Variants in BRWD3 observed in about 807,000 individuals in gnomAD.
The protein encoded by BRWD3 is bromodomain and WD repeat domain containing 3.
BRWD3 carries 10 observed loss-of-function variants against 149.7 expected under a neutral mutation model. That is an observed-to-expected ratio of 0.07 (90% CI 0.04 to 0.11). The LOEUF is 0.11. BRWD3 is among the 10% of genes least tolerant of loss of function. The pLI is 1.00. For synonymous variants in BRWD3, 504 were observed against 456.7 expected (o/e 1.10, Z -1.32); for missense variants, 940 against 1,373.2 (o/e 0.68, Z 4.99).
intron 6 of BRWD3, among the ~76,000 whole-genome samples, chrX:80,746,421 T>C (rs914696017): frequency 9.0e-6 from 1 of 110,498 alleles, no homozygotes; most frequent in Non-Finnish European, 1.9e-5. Flanking sequence ...TGCCTTGTTC[T>C]GCATTTTCTT....
At position 80,703,463 on chromosome X, in the gene BRWD3, T is replaced by C; in HGVS notation, c.2835+17A>G. The C allele has an allele frequency of 8.1e-6, 9 of 1,107,866 alleles. No individual in the cohort carries two copies. Among genetic ancestry groups the C allele is most frequent in the Non-Finnish European group, 9.9e-6 (8 of 808,140 alleles). 91.3% of individuals were successfully genotyped at this position (1,107,866 alleles called of 1,213,427 possible). On this transcript the variant is annotated intron_variant, in intron 24 of 40. Coordinates refer to ENST00000373275, the MANE Select transcript of BRWD3 (RefSeq NM_153252.5). ...CTTGAGGCTCCACAGAAAAAGGTTATAACAGGTAATAATTACCTCATCTCC... is the reference window on the plus strand; with the variant it reads ...CTTGAGGCTCCACAGAAAAAGGTTACAACAGGTAATAATTACCTCATCTCC...
chrX:80,681,443 G>A lies in BRWD3; in HGVS notation c.4552C>T (p.Pro1518Ser). ...CCACCGAAGCTCGATGAAGAAAATG[G>A]CCCATCTGGCTCATCATCAAGTAGA... ...LYLLDDEPDGPFSSSSFGGYS... is the reference protein window; with the variant it reads ...LYLLDDEPDGSFSSSSFGGYS... Residue 1518 changes from proline (P) to serine (S), a missense_variant, in exon 40 of 41, where the codon CCA (proline) becomes TCA (serine). Coordinates refer to ENST00000373275, the MANE Select transcript of BRWD3 (RefSeq NM_153252.5). The A allele has an allele frequency of 8.3e-7, 1 of 1,208,643 alleles. No homozygotes were observed. Among genetic ancestry groups the A allele is most frequent in the Non-Finnish European group, 1.1e-6 (1 of 893,245 alleles).
At chrX:80,785,882 T>C (rs1395254885) in intron 6 of BRWD3, among the ~76,000 whole-genome samples, 2 of 111,460 alleles carry the variant, frequency 1.8e-5, no homozygotes. Context: ...ACAAAAAAGT[T>C]AGCCAGGCAT....
At chrX:80,716,329 T>A in intron 19 of BRWD3, 79 bp from the exon 20 acceptor site, 1 of 805,284 alleles carries the variant, frequency 1.2e-6, no homozygotes, top group Non-Finnish European at 1.9e-6. Flanking sequence ...ATAAAAATAC[T>A]TTTAAACATA....
intron 20 of BRWD3, among the ~76,000 whole-genome samples, chrX:80,713,519 C>T (rs902886318): frequency 3.7e-5 from 4 of 109,035 alleles, no homozygotes; most frequent in African/African-American, 1.3e-4. Flanking sequence ...CATCACCACT[C>T]CCTAATCTCA....
chrX:80,673,884 C>T lies in BRWD3; in HGVS notation c.*2725G>A, dbSNP rs1602291510. 2.7e-5 allele frequency: 3 copies of T among 110,510 alleles called. No homozygotes were observed. Among genetic ancestry groups the T allele is most frequent in the South Asian group, 3.8e-4 (1 of 2,598 alleles). 9.1% of individuals were successfully genotyped at this position (110,510 alleles called of 1,213,427 possible). On this transcript the variant is annotated 3_prime_UTR_variant, in exon 41 of 41. Transcript: ENST00000373275. ...TTGCTATGGCTGGACCCAGATTTTA[C>T]GTAGGTTTAAAGGGCCTCAAAGAAA...
rs971673525 is a variant in BRWD3, at chrX:80,734,833, T to C, written c.985+294A>G. Among the ~76,000 whole-genome samples the C allele has an allele frequency of 1.1e-4, 12 of 111,099 alleles. No homozygotes were observed. In the Admixed American group the frequency reaches 1.1e-3, roughly 11 times the overall value. On this transcript the variant is annotated intron_variant, in intron 10 of 40. Transcript: ENST00000373275. Reference sequence around the variant, plus strand: ...GTCAACTCTGGGCAGAATTTTTGTGTTGATTGCGGGGCAGTAAACTTTTTT... The same window carrying C: ...GTCAACTCTGGGCAGAATTTTTGTGCTGATTGCGGGGCAGTAAACTTTTTT...
intron 6 of BRWD3, among the ~76,000 whole-genome samples, chrX:80,745,955 C>T (rs2073587187): frequency 1.8e-5 from 2 of 110,667 alleles, no homozygotes; most frequent in South Asian, 7.7e-4. Context: ...TGATATTCTG[C>T]TTGGCTTACT....
rs747069127 is a variant in BRWD3 at position 80,722,793 on chromosome X, T to A, written c.1651-6A>T. 2 of 1,187,076 alleles carry A rather than the reference T, an allele frequency of 1.7e-6. No homozygotes were observed. The highest frequency in any genetic ancestry group is 1.1e-6 in the Non-Finnish European group (1 of 874,254). ...AAGAACATCTGATCTGGAATCTTTA[T>A]GACAGATTTTTAGTGGGTTAACATA... On this transcript the variant is annotated splice_region_variant and splice_polypyrimidine_tract_variant and intron_variant, in intron 16 of 40. Coordinates refer to ENST00000373275, the MANE Select transcript of BRWD3 (RefSeq NM_153252.5).
intron 6 of BRWD3, among the ~76,000 whole-genome samples, chrX:80,762,475 T>C (rs748751743): frequency 3.6e-5 from 4 of 110,766 alleles, no homozygotes; most frequent in African/African-American, 1.3e-4. Flanking sequence ...ATAAAAGATA[T>C]TAATGGATCT....
At chrX:80,687,772 T>TA (rs1183152042) in intron 34 of BRWD3, among the ~76,000 whole-genome samples, 7 of 110,058 alleles carry the variant, frequency 6.4e-5, no homozygotes. Flanking sequence ...ACTGAGTCTC[T>TA]AATCACACAC....
At chrX:80,733,220 A>G in intron 12 of BRWD3, 1 of 316,958 alleles carries the variant, frequency 3.2e-6, no homozygotes, top group Non-Finnish European at 5.5e-6. Flanking sequence ...TAACAGAAAT[A>G]GAGCAAAATA....
At position 80,744,313 on chromosome X, in the gene BRWD3, C is replaced by G. The variant is rs1396359491; in HGVS notation, c.592-60G>C. Reference sequence around the variant, plus strand: ...AGCAGAAATTCACAATACCCCCACCCAAAAAATAGCCAAAAAGAAGATTTT... The same window carrying G: ...AGCAGAAATTCACAATACCCCCACCGAAAAAATAGCCAAAAAGAAGATTTT... On this transcript the variant is annotated intron_variant, in intron 7 of 40. Coordinates refer to ENST00000373275, the MANE Select transcript of BRWD3 (RefSeq NM_153252.5). The G allele has an allele frequency of 1.3e-5, 11 of 851,069 alleles. No individual in the cohort carries two copies. In the East Asian group the frequency reaches 3.1e-4, roughly 24 times the overall value. The allele number at this position is 851,069 out of a possible 1,213,427, so 70.1% of individuals were successfully genotyped here.
chrX:80,766,198 CTCTG>C (rs1602409730), intron 6 of BRWD3, among the ~76,000 whole-genome samples: 2 of 111,275 alleles, frequency 1.8e-5, no homozygotes, highest in Admixed American at 1.9e-4. Flanking sequence ...GATTCCCTCT[CTCTG>C]TCTATTTTCA....
rs2072857399 is a variant in BRWD3, at chrX:80,705,944, A to G, written c.2553-1098T>C. On this transcript the variant is annotated intron_variant, in intron 22 of 40. Transcript: ENST00000373275. ...GTACACTACTGAAGACTTTACAAAC[A>G]CTACGCTTAGGTTACACTGAATTTA... is the stretch of plus-strand genomic sequence containing the variant. Among the ~76,000 whole-genome samples the G allele has an allele frequency of 4.5e-5, 5 of 112,123 alleles. No homozygotes were observed. In the South Asian group the frequency reaches 1.9e-3, roughly 42 times the overall value.
At chrX:80,796,596 T>C (rs1309801897) in intron 4 of BRWD3, among the ~76,000 whole-genome samples, 1 of 111,646 alleles carries the variant, frequency 9.0e-6, no homozygotes, top group Non-Finnish European at 1.9e-5. Context: ...TTTTAAATTA[T>C]ATCCTGCTAT....
intron 6 of BRWD3, among the ~76,000 whole-genome samples, chrX:80,785,961 G>C (rs191014218): frequency 8.5e-4 from 95 of 112,037 alleles, no homozygotes; most frequent in African/African-American, 2.9e-3. Flanking sequence ...ACCCAGAAGC[G>C]GGGGTTGCAG....
chrX:80,723,743 C>T lies in BRWD3; in HGVS notation c.1650+5G>A, dbSNP rs767771943. On this transcript the variant is annotated splice_donor_5th_base_variant and intron_variant, in intron 16 of 40. Transcript: ENST00000373275. ...TACTCTACAGCAAAATTTAAATATG[C>T]TAACCTTTTCGTAGTATTTACTGCA... The T allele has an allele frequency of 8.3e-7, 1 of 1,208,500 alleles. No individual in the cohort carries two copies. The highest frequency in any genetic ancestry group is 1.7e-5 in the African/African-American group (1 of 57,214).
chrX:80,749,886 A>G (rs566624098), intron 6 of BRWD3, among the ~76,000 whole-genome samples: 2 of 111,743 alleles, frequency 1.8e-5, no homozygotes, highest in Non-Finnish European at 3.8e-5. Context: ...ACTGACGTAG[A>G]AACAGACACA....
Sources: gnomAD v4.1 joint callset for allele counts (sites outside exome capture counted in the v4.1 genomes callset) on GRCh38, gnomAD v4.1.1 for gene constraint, MANE v1.5 for transcripts, NCBI Gene and HGNC (gene_info 2026-07-23, HGNC 2026-07-21) for gene names.